PRKAR2A: variants seen among roughly 807,000 people sequenced by gnomAD.
The protein encoded by PRKAR2A is protein kinase cAMP-dependent type II regulatory subunit alpha.
A neutral mutation model predicts 51.9 loss-of-function variants in PRKAR2A; 29 were observed. The ratio of observed to expected loss-of-function variants is 0.56; its 90% CI spans 0.42 to 0.76. The LOEUF is 0.76. PRKAR2A is among the 30% of genes least tolerant of loss of function. The pLI is 0.00. For synonymous variants in PRKAR2A, 178 were observed against 186.2 expected (o/e 0.96, Z 0.36); for missense variants, 445 against 512.1 (o/e 0.87, Z 1.26).
At chr3:48,829,316 C>T (rs549348384) in intron 1 of PRKAR2A, among the ~76,000 whole-genome samples, 3 of 151,034 alleles carry the variant, frequency 2.0e-5, no homozygotes, top group South Asian at 2.1e-4. Flanking sequence ...GTCAGGAGTT[C>T]GAGGCCAGCC....
At chr3:48,765,724 C>CAAAAAAA (rs756566818) in intron 6 of PRKAR2A, among the ~76,000 whole-genome samples, 9 of 45,246 alleles carry the variant, frequency 2.0e-4, no homozygotes, top group Admixed American at 1.0e-3. Context: ...ACCCTCATTT[C>CAAAAAAA]AAAAAAAAAA....
At chr3:48,754,889 C>A (rs2081733533) in intron 9 of PRKAR2A, among the ~76,000 whole-genome samples, 1 of 150,194 alleles carries the variant, frequency 6.7e-6, no homozygotes, top group Non-Finnish European at 1.5e-5. Context: ...TGCATTCCAG[C>A]CTGGGCAACA....
intron 1 of PRKAR2A, among the ~76,000 whole-genome samples, chr3:48,816,741 T>C (rs2082880981): frequency 6.6e-6 from 1 of 152,178 alleles, no homozygotes; most frequent in African/African-American, 2.4e-5. Flanking sequence ...CAAAGCAATG[T>C]TCACCTCACC....
chr3:48,819,497 G>A (rs747161575), intron 1 of PRKAR2A, among the ~76,000 whole-genome samples: 3 of 152,176 alleles, frequency 2.0e-5, no homozygotes, highest in Admixed American at 6.6e-5. Context: ...AAGTGGTCAA[G>A]CCAGAATCTG....
intron 2 of PRKAR2A, among the ~76,000 whole-genome samples, chr3:48,799,357 T>C (rs2082548097): frequency 6.6e-6 from 1 of 152,196 alleles, no homozygotes; most frequent in Non-Finnish European, 1.5e-5. Flanking sequence ...TCAGTCCTAT[T>C]AGATTAGGGT....
At chr3:48,818,275 G>A (rs2082904508) in intron 1 of PRKAR2A, among the ~76,000 whole-genome samples, 1 of 152,130 alleles carries the variant, frequency 6.6e-6, no homozygotes, top group African/African-American at 2.4e-5. Context: ...GAGCTGCCCT[G>A]CCGAATTATT....
intron 1 of PRKAR2A, among the ~76,000 whole-genome samples, chr3:48,838,977 C>T (rs1341454639): frequency 6.7e-6 from 1 of 149,654 alleles, no homozygotes; most frequent in Non-Finnish European, 1.5e-5. Context: ...GAGCAAGACT[C>T]CGTCTCAAAA....
At chr3:48,831,789 G>T (rs1252490409) in intron 1 of PRKAR2A, among the ~76,000 whole-genome samples, 2 of 151,808 alleles carry the variant, frequency 1.3e-5, no homozygotes, top group Non-Finnish European at 2.9e-5. Context: ...GCTAATTTTT[G>T]TATGTTTAGT....
At chr3:48,789,216 T>G (rs930452702) in intron 4 of PRKAR2A, among the ~76,000 whole-genome samples, 1 of 152,154 alleles carries the variant, frequency 6.6e-6, no homozygotes, top group Non-Finnish European at 1.5e-5. Context: ...CCAAAGCAGC[T>G]CAGAAAAATA....
chr3:48,758,886 G>A (rs963995002), intron 8 of PRKAR2A, among the ~76,000 whole-genome samples: 2 of 152,154 alleles, frequency 1.3e-5, no homozygotes, highest in Non-Finnish European at 2.9e-5. Flanking sequence ...AGCAGGTAGC[G>A]TGAGTAGTTG....
intron 4 of PRKAR2A, among the ~76,000 whole-genome samples, chr3:48,785,692 T>C (rs1445175867): frequency 6.6e-6 from 1 of 152,154 alleles, no homozygotes; most frequent in Non-Finnish European, 1.5e-5. Context: ...CTACCTTGCC[T>C]AGCCAGAAAA....
chr3:48,836,304 A>G (rs930182594), intron 1 of PRKAR2A, among the ~76,000 whole-genome samples: 1 of 150,798 alleles, frequency 6.6e-6, no homozygotes, highest in Non-Finnish European at 1.5e-5. Flanking sequence ...CTGTAATCCC[A>G]GCTACTCGGG....
intron 1 of PRKAR2A, among the ~76,000 whole-genome samples, chr3:48,832,199 C>T (rs2083199633): frequency 6.6e-6 from 1 of 150,642 alleles, no homozygotes; most frequent in Admixed American, 6.7e-5. Flanking sequence ...GAGGCTGAGG[C>T]ACGAGAATCG....
chr3:48,797,844 C>T (rs1188621624), intron 2 of PRKAR2A, among the ~76,000 whole-genome samples: 3 of 152,170 alleles, frequency 2.0e-5, no homozygotes, highest in Non-Finnish European at 4.4e-5. Context: ...TAATGACTCA[C>T]TATCTTTCTC....
rs2107231172 is a variant in PRKAR2A at position 48,765,280 on chromosome 3, T to C, written c.766A>G (p.Ile256Val). The change falls in exon 7 of 11, where the codon ATT (isoleucine) becomes GTT (valine). Residue 256 changes from isoleucine (I) to valine (V), a missense_variant. Coordinates refer to ENST00000265563, the MANE Select transcript of PRKAR2A (RefSeq NM_004157.4). ...AKKRKMFESF[I>V]ESVPLLKSLE... ...GATTTAAGGAGGGGCACAGACTCAA[T>C]AAATGATTCAAACATCTTCCTCTTC... 6.2e-7 allele frequency: 1 copy of C among 1,612,832 alleles called. No individual in the cohort carries two copies. Among genetic ancestry groups the C allele is most frequent in the African/African-American group, 1.3e-5 (1 of 75,018 alleles).
intron 5 of PRKAR2A, among the ~76,000 whole-genome samples, chr3:48,777,973 G>A (rs1291874435): frequency 6.6e-6 from 1 of 152,156 alleles, no homozygotes; most frequent in Non-Finnish European, 1.5e-5. Context: ...ACTCATTTCA[G>A]GCAGCAGCAC....
intron 1 of PRKAR2A, among the ~76,000 whole-genome samples, chr3:48,833,618 G>C (rs1230548673): frequency 6.6e-6 from 1 of 151,000 alleles, no homozygotes; most frequent in Non-Finnish European, 1.5e-5. Context: ...GCTGAGGCAA[G>C]AGAATTGCTT....
At chr3:48,843,677 C>T (rs1469390343) in intron 1 of PRKAR2A, among the ~76,000 whole-genome samples, 1 of 151,714 alleles carries the variant, frequency 6.6e-6, no homozygotes, top group African/African-American at 2.4e-5. Flanking sequence ...TCAGAAATAA[C>T]TCCGCATATC....
At position 48,773,239 on chromosome 3, in the gene PRKAR2A, C is replaced by T. The variant is rs1025124234; in HGVS notation, c.543-131G>A. The T allele has an allele frequency of 1.2e-5, 8 of 680,252 alleles. No homozygotes were observed. In the Admixed American group the frequency reaches 1.4e-4, roughly 12 times the overall value. The allele number at this position is 680,252 out of a possible 1,614,324, so 42.1% of individuals were successfully genotyped here. A position where few individuals can be genotyped will look rare whatever the true frequency, so the allele number is the denominator to read the frequency against. On this transcript the variant is annotated intron_variant, in intron 5 of 10. Coordinates refer to ENST00000265563, the MANE Select transcript of PRKAR2A (RefSeq NM_004157.4). ...GAACTTTGCTAGTATATAAAAAAAACATATTTTTGTATTTTGACTTTGTAC... is the reference window on the plus strand; with the variant it reads ...GAACTTTGCTAGTATATAAAAAAAATATATTTTTGTATTTTGACTTTGTAC...
Sources: allele counts gnomAD v4.1 joint callset (sites outside exome capture counted in the v4.1 genomes callset), GRCh38; gene constraint gnomAD v4.1.1; transcripts MANE v1.5; gene names NCBI Gene and HGNC (gene_info 2026-07-23, HGNC 2026-07-21).